ZBBX: variants seen among roughly 807,000 people sequenced by gnomAD.
ZBBX encodes zinc finger B-box domain-containing protein 1.
Under a neutral mutation model 108.5 loss-of-function variants are expected in ZBBX, and 101 were observed. That is an observed-to-expected ratio of 0.93 (90% confidence interval 0.79 to 1.10). The LOEUF (loss-of-function observed/expected upper bound fraction) is 1.10, where lower values mean the gene tolerates loss of function less well. Among genes scored for constraint, ZBBX ranks in the 50% least tolerant of loss-of-function variants. The pLI, the probability that ZBBX is intolerant of heterozygous loss-of-function variation, is 0.00. For missense variants in ZBBX, 1,009 were observed against 941.4 expected, an observed-to-expected ratio of 1.07 and a Z score of -0.94; for synonymous variants, 356 against 323.4, an observed-to-expected ratio of 1.10 and a Z score of -1.08.
chr3:167,397,235 ATTTTTCTGGG>A (rs1424768213), intron 1 of ZBBX, among the ~76,000 whole-genome samples: 1 of 143,618 alleles, frequency 7.0e-6, no homozygotes, highest in Non-Finnish European at 1.5e-5. Flanking sequence ...TTTTCTTTGC[ATTTTTCTGGG>A]TTTTTCTTAC....
intron 17 of ZBBX, among the ~76,000 whole-genome samples, 200 bp from the exon 18 acceptor site, chr3:167,298,658 T>A (rs1732081731): frequency 6.6e-6 from 1 of 152,066 alleles, no homozygotes; most frequent in South Asian, 2.1e-4. Flanking sequence ...AGTAATTCTC[T>A]GAAAGTTGAT....
At chr3:167,298,266 G>A (rs773505220) in intron 18 of ZBBX, 39 bp downstream of exon 18, 3 of 1,518,624 alleles carry the variant, frequency 2.0e-6, no homozygotes, top group South Asian at 2.6e-5. Flanking sequence ...TTCCTAAGAT[G>A]AGAACAGACT....
At chr3:167,238,155 A>T (rs1409217208), downstream of ZBBX, among the ~76,000 whole-genome samples, 1 of 152,000 alleles carries the variant, frequency 6.6e-6, no homozygotes, top group Non-Finnish European at 1.5e-5. Flanking sequence ...ATGTTAAAAG[A>T]CGAACAGTAA....
chr3:167,354,549 T>G (rs756220614), intron 8 of ZBBX, among the ~76,000 whole-genome samples: 28 of 151,882 alleles, frequency 1.8e-4, no homozygotes, highest in Non-Finnish European at 3.5e-4. Flanking sequence ...CATTCTTGTT[T>G]CATGAGCTTC....
At chr3:167,399,449 G>C (rs970400574) in intron 1 of ZBBX, 11 of 152,120 alleles carry the variant, frequency 7.2e-5, no homozygotes, top group African/African-American at 2.4e-4. Flanking sequence ...TCTGGTGCTA[G>C]AGGTAGGGAA....
At position 167,360,865 on chromosome 3, in the gene ZBBX, G is replaced by A. The variant is rs184864469; in HGVS notation, c.274-142C>T. ...TTAAAGAATAATATAAAATTAATAG[G>A]AGATCATCATTAAAGCATATATGTA... On this transcript the variant is annotated intron_variant, in intron 6 of 21. Transcript: ENST00000675490. The A allele has an allele frequency of 1.9e-4, 72 of 374,134 alleles. No homozygotes were observed. In the East Asian group the frequency reaches 2.8e-3, roughly 15 times the overall value. The allele number at this position is 374,134 out of a possible 1,614,324, so 23.2% of individuals were successfully genotyped here. A position where few individuals can be genotyped will look rare whatever the true frequency, so the allele number is the denominator to read the frequency against.
At chr3:167,308,503 G>A (rs1249568590) in intron 16 of ZBBX, among the ~76,000 whole-genome samples, 2 of 152,116 alleles carry the variant, frequency 1.3e-5, no homozygotes, top group Non-Finnish European at 2.9e-5. Flanking sequence ...AAAGATACAT[G>A]TATATGTATG....
chr3:167,322,807 A>C (rs1225561476), intron 11 of ZBBX, among the ~76,000 whole-genome samples: 1 of 152,058 alleles, frequency 6.6e-6, no homozygotes, highest in African/African-American at 2.4e-5. Context: ...TAAATCCATG[A>C]TTACTAGTCT....
chr3:167,259,887 C>T (rs1300464787), intron 20 of ZBBX, among the ~76,000 whole-genome samples: 2 of 151,910 alleles, frequency 1.3e-5, no homozygotes, highest in South Asian at 4.1e-4. Context: ...CATTTTATGG[C>T]CTATTTTGCT....
intron 8 of ZBBX, among the ~76,000 whole-genome samples, chr3:167,356,253 T>A (rs1743555089): frequency 6.6e-6 from 1 of 152,086 alleles, no homozygotes; most frequent in Non-Finnish European, 1.5e-5. Flanking sequence ...GGACAGCAAT[T>A]TTTTTAAGAT....
chr3:167,366,114 A>T (rs1054410363), intron 5 of ZBBX, 138 bp from the exon 6 acceptor site: 3 of 516,082 alleles, frequency 5.8e-6, no homozygotes, highest in Non-Finnish European at 1.0e-5. Flanking sequence ...CATGAAAAAT[A>T]AATATCAATA....
intron 1 of ZBBX, among the ~76,000 whole-genome samples, chr3:167,397,166 A>AAAAAAAAAAAAAAAAAAAAAAAAAAAC (rs1748265803): frequency 2.0e-5 from 3 of 148,258 alleles, no homozygotes; most frequent in Non-Finnish European, 3.0e-5. Flanking sequence ...AAAAAAAAAA[A>AAAAAAAAAAAAAAAAAAAAAAAAAAAC]TCTGACTCCT....
At chr3:167,349,888 A>G (rs2108493754) in intron 9 of ZBBX, among the ~76,000 whole-genome samples, 1 of 152,160 alleles carries the variant, frequency 6.6e-6, no homozygotes, top group Non-Finnish European at 1.5e-5. Flanking sequence ...TCTTAAAGCC[A>G]CTTGACAGGG....
At chr3:167,226,249 T>C in the ZBBX span, among the ~76,000 whole-genome samples, 1 of 151,852 alleles carries the variant, frequency 6.6e-6, no homozygotes, top group Non-Finnish European at 1.5e-5. Flanking sequence ...TGACTGGGCA[T>C]GTTTCAATTA....
chr3:167,234,789 A>G, the ZBBX span, among the ~76,000 whole-genome samples: 1 of 151,704 alleles, frequency 6.6e-6, no homozygotes, highest in Non-Finnish European at 1.5e-5. Context: ...CTAAGAGCCA[A>G]TGTGTCCACT....
At chr3:167,353,067 C>A (rs1742950220) in intron 8 of ZBBX, among the ~76,000 whole-genome samples, 1 of 152,102 alleles carries the variant, frequency 6.6e-6, no homozygotes, top group South Asian at 2.1e-4. Flanking sequence ...TAGAAAAAGA[C>A]AAGGATGCCT....
At chr3:167,333,769 T>C (rs1156894029) in intron 10 of ZBBX, 58 bp downstream of exon 10, 1 of 1,399,466 alleles carries the variant, frequency 7.1e-7, no homozygotes, top group African/African-American at 1.4e-5. Context: ...AGTACATGAA[T>C]GGCACCTGCC....
intron 20 of ZBBX, among the ~76,000 whole-genome samples, chr3:167,270,931 C>T (rs913239256): frequency 6.6e-6 from 1 of 152,190 alleles, no homozygotes; most frequent in Admixed American, 6.5e-5. Context: ...TCAGACCAGA[C>T]CTAGGGGATA....
the ZBBX span, among the ~76,000 whole-genome samples, chr3:167,211,191 G>C: frequency 6.6e-6 from 1 of 152,156 alleles, no homozygotes; most frequent in Non-Finnish European, 1.5e-5. Flanking sequence ...AGTGGTAAGA[G>C]AATGAGTGCC....
Sources: gnomAD v4.1 joint callset for allele counts (sites outside exome capture counted in the v4.1 genomes callset) on GRCh38, gnomAD v4.1.1 for gene constraint, MANE v1.5 for transcripts, NCBI Gene and HGNC (gene_info 2026-07-23, HGNC 2026-07-21) for gene names.